Variants in SEMA3E observed in about 807,000 individuals in gnomAD.
The protein encoded by SEMA3E is semaphorin 3E, also known as semaphorin-3E.
Under a neutral mutation model 93.6 loss-of-function variants are expected in SEMA3E, and 49 were observed. That is an observed-to-expected ratio of 0.52 (90% CI 0.42 to 0.66). SEMA3E has a LOEUF of 0.66. Ranked by LOEUF, SEMA3E falls within the 30% of genes least tolerant of loss-of-function variation. The pLI, the probability that SEMA3E is intolerant of heterozygous loss-of-function variation, is 0.00. For synonymous variants in SEMA3E, 363 were observed against 330.7 expected (o/e 1.10, Z -1.06); for missense variants, 906 against 964.8 (o/e 0.94, Z 0.81).
intron 1 of SEMA3E, among the ~76,000 whole-genome samples, chr7:83,593,284 C>CTCTCTGTGTG (rs1324576607): frequency 1.7e-5 from 2 of 116,698 alleles, no homozygotes; most frequent in African/African-American, 6.5e-5. Context: ...CTCTCTCTCT[C>CTCTCTGTGTG]TGTGTGTGTG....
chr7:83,463,517 G>C (rs1184907149), intron 4 of SEMA3E, among the ~76,000 whole-genome samples: 1 of 151,868 alleles, frequency 6.6e-6, no homozygotes. Flanking sequence ...ACTTCAATCC[G>C]GCCTCCCACA....
intron 13 of SEMA3E, among the ~76,000 whole-genome samples, chr7:83,393,020 CA>C (rs1788047773): frequency 1.1e-5 from 1 of 89,734 alleles, no homozygotes. Flanking sequence ...ACCTGGGCGA[CA>C]AGAGAGAAAC....
At chr7:83,640,642 T>C (rs1793988791) in intron 1 of SEMA3E, among the ~76,000 whole-genome samples, 1 of 152,266 alleles carries the variant, frequency 6.6e-6, no homozygotes, top group South Asian at 2.1e-4. Context: ...AGGTTATGTT[T>C]TATATTTATT....
chr7:83,462,726 C>CTA (rs1789655020), intron 4 of SEMA3E, among the ~76,000 whole-genome samples: 1 of 146,594 alleles, frequency 6.8e-6, no homozygotes, highest in Non-Finnish European at 1.5e-5. Context: ...CTTTTAAAGC[C>CTA]TATAAACTCT....
intron 1 of SEMA3E, among the ~76,000 whole-genome samples, chr7:83,606,734 C>A: frequency 7.3e-6 from 1 of 137,150 alleles, no homozygotes. Context: ...GCACAATGTG[C>A]ACATGTACCC....
At chr7:83,551,363 A>G (rs1791761407) in intron 1 of SEMA3E, among the ~76,000 whole-genome samples, 1 of 152,186 alleles carries the variant, frequency 6.6e-6, no homozygotes, top group Non-Finnish European at 1.5e-5. Context: ...TATTGATTGC[A>G]ATAAAAACAC....
intron 16 of SEMA3E, among the ~76,000 whole-genome samples, chr7:83,384,455 T>C (rs1160538297): frequency 6.6e-6 from 1 of 150,736 alleles, no homozygotes; most frequent in Non-Finnish European, 1.5e-5. Flanking sequence ...TCAATATTCA[T>C]CATTTAATAT....
intron 1 of SEMA3E, among the ~76,000 whole-genome samples, chr7:83,646,505 T>A (rs1030790674): frequency 6.6e-6 from 1 of 152,106 alleles, no homozygotes; most frequent in Non-Finnish European, 1.5e-5. Context: ...TATTTTCAGG[T>A]AACTCTCTCT....
intron 3 of SEMA3E, among the ~76,000 whole-genome samples, chr7:83,467,488 A>T (rs1789793171): frequency 6.6e-6 from 1 of 152,234 alleles, no homozygotes; most frequent in Admixed American, 6.5e-5. Context: ...GACTATGATA[A>T]GATTACTATA....
intron 1 of SEMA3E, among the ~76,000 whole-genome samples, chr7:83,575,799 A>C (rs553992877): frequency 6.6e-6 from 1 of 152,340 alleles, no homozygotes; most frequent in South Asian, 2.1e-4. Context: ...ATAAGGAAAA[A>C]TACCAATTCA....
chr7:83,422,752 A>C (rs1788690341), intron 4 of SEMA3E, among the ~76,000 whole-genome samples: 1 of 152,204 alleles, frequency 6.6e-6, no homozygotes, highest in South Asian at 2.1e-4. Context: ...TTATATAGTA[A>C]AATTGAAACT....
chr7:83,430,706 T>G (rs575714977), intron 4 of SEMA3E, among the ~76,000 whole-genome samples: 1 of 151,960 alleles, frequency 6.6e-6, no homozygotes, highest in Non-Finnish European at 1.5e-5. Context: ...AGGGAGAGCA[T>G]TAGGACAAAT....
At chr7:83,579,056 G>A (rs1054444985) in intron 1 of SEMA3E, among the ~76,000 whole-genome samples, 3 of 152,064 alleles carry the variant, frequency 2.0e-5, no homozygotes, top group African/African-American at 7.2e-5. Flanking sequence ...TTATTAAGAT[G>A]TATAGATTTC....
intron 4 of SEMA3E, among the ~76,000 whole-genome samples, chr7:83,459,177 A>G (rs906126875): frequency 6.6e-6 from 1 of 151,968 alleles, no homozygotes; most frequent in African/African-American, 2.4e-5. Context: ...TTGAAAACCA[A>G]TGATAAAGAC....
intron 4 of SEMA3E, among the ~76,000 whole-genome samples, chr7:83,460,665 CTCTGCGCCCCAATCCCTTATT>C (rs1373067904): frequency 2.0e-5 from 3 of 149,488 alleles, no homozygotes; most frequent in Non-Finnish European, 4.4e-5. Context: ...AACCTCATAT[CTCTGCGCCCCAATCCCTTATT>C]TCTGCACCCC....
Position 83,400,052 on chromosome 7 carries a change from A to C in SEMA3E, c.1342T>G (p.Tyr448Asp), listed in dbSNP as rs1295075729. The C allele has an allele frequency of 6.2e-7, 1 of 1,613,696 alleles. No homozygotes were observed. Among genetic ancestry groups the C allele is most frequent in the Non-Finnish European group, 8.5e-7 (1 of 1,179,618 alleles). Reference sequence around the variant, plus strand: ...CCTGTCCCAATAAACAAGACGTCATATTGGCCATCCTCAGCTTCCACTCGA... The same window carrying C: ...CCTGTCCCAATAAACAAGACGTCATCTTGGCCATCCTCAGCTTCCACTCGA... ...VDRVEAEDGQYDVLFIGTDNG... is the reference protein window; with the variant it reads ...VDRVEAEDGQDDVLFIGTDNG... Residue 448 changes from tyrosine (Y) to aspartate (D), a missense_variant, in exon 11 of 17, where the codon TAT (tyrosine) becomes GAT (aspartate). Transcript: ENST00000643230.
chr7:83,500,114 T>C (rs1264224691), intron 1 of SEMA3E, among the ~76,000 whole-genome samples: 1 of 152,310 alleles, frequency 6.6e-6, no homozygotes, highest in East Asian at 1.9e-4. Flanking sequence ...ACTACTGTGG[T>C]ATTTTTCTGC....
At chr7:83,383,192 A>G (rs947916697) in intron 16 of SEMA3E, among the ~76,000 whole-genome samples, 4 of 150,248 alleles carry the variant, frequency 2.7e-5, no homozygotes, top group African/African-American at 1.0e-4. Flanking sequence ...GTGAAAATAA[A>G]TATCCTTCAA....
At chr7:83,439,856 A>C (rs895830557) in intron 4 of SEMA3E, among the ~76,000 whole-genome samples, 1 of 152,172 alleles carries the variant, frequency 6.6e-6, no homozygotes, top group African/African-American at 2.4e-5. Context: ...TATCAATAAC[A>C]GAATAGAATA....
Sources: allele counts gnomAD v4.1 joint callset (sites outside exome capture counted in the v4.1 genomes callset), GRCh38; gene constraint gnomAD v4.1.1; transcripts MANE v1.5; gene names NCBI Gene and HGNC (gene_info 2026-07-23, HGNC 2026-07-21).